The following PCSK2 variants were observed in gnomAD, a reference collection of about 807,000 sequenced individuals.
PCSK2 encodes proprotein convertase subtilisin/kexin type 2.
In PCSK2, 14 loss-of-function variants were observed where a neutral mutation model predicts 69.7. The ratio of observed to expected loss-of-function variants is 0.20; its 90% confidence interval spans 0.13 to 0.31. The LOEUF is 0.31. Ranked by LOEUF, PCSK2 falls within the 10% of genes least tolerant of loss-of-function variation. The pLI is 1.00. For missense variants in PCSK2, 544 were observed against 842.5 expected (o/e 0.65, Z 4.39); for synonymous variants, 307 against 320.7 (o/e 0.96, Z 0.46).
At chr20:17,457,632 G>A (rs969551742) in intron 10 of PCSK2, among the ~76,000 whole-genome samples, 2 of 152,164 alleles carry the variant, frequency 1.3e-5, no homozygotes, top group African/African-American at 4.8e-5. Flanking sequence ...ATCAAGCACA[G>A]AAAACAAAAT....
At chr20:17,242,239 A>G (rs1355839241) in intron 1 of PCSK2, among the ~76,000 whole-genome samples, 1 of 152,260 alleles carries the variant, frequency 6.6e-6, no homozygotes, top group Non-Finnish European at 1.5e-5. Flanking sequence ...GCATAGGAGT[A>G]GGCAGGGCTG....
At chr20:17,348,058 A>AGAGAAAGAAAG (rs1990739647) in intron 2 of PCSK2, among the ~76,000 whole-genome samples, 1 of 78,876 alleles carries the variant, frequency 1.3e-5, no homozygotes, top group African/African-American at 4.9e-5. Context: ...AAGGAAAGAA[A>AGAGAAAGAAAG]GAAAGAAAGA....
chr20:17,351,009 C>G (rs1028504323), intron 2 of PCSK2, among the ~76,000 whole-genome samples: 1 of 146,696 alleles, frequency 6.8e-6, no homozygotes, highest in African/African-American at 2.5e-5. Flanking sequence ...CACTGCACTA[C>G]AGCCTGGGTG....
chr20:17,443,820 G>A (rs558961471), intron 8 of PCSK2, among the ~76,000 whole-genome samples: 13 of 152,336 alleles, frequency 8.5e-5, no homozygotes, highest in African/African-American at 2.6e-4. Context: ...TGCCGAGCCC[G>A]CTGAAGCTTA....
At chr20:17,308,176 T>G (rs1989387224) in intron 2 of PCSK2, among the ~76,000 whole-genome samples, 1 of 152,186 alleles carries the variant, frequency 6.6e-6, no homozygotes, top group African/African-American at 2.4e-5. Flanking sequence ...TCATTCACTG[T>G]CATGATAATG....
chr20:17,456,061 G>A (rs560845910), intron 9 of PCSK2, among the ~76,000 whole-genome samples: 5 of 152,156 alleles, frequency 3.3e-5, no homozygotes, highest in African/African-American at 9.6e-5. Flanking sequence ...TCAACATGGC[G>A]AAACCCTGTC....
chr20:17,336,083 A>G (rs1474727670), intron 2 of PCSK2, among the ~76,000 whole-genome samples: 1 of 152,238 alleles, frequency 6.6e-6, no homozygotes, highest in Non-Finnish European at 1.5e-5. Flanking sequence ...AGAATATCAA[A>G]GAACTTACAG....
intron 11 of PCSK2, among the ~76,000 whole-genome samples, chr20:17,475,778 C>T (rs927048160): frequency 1.3e-5 from 2 of 152,170 alleles, no homozygotes; most frequent in Non-Finnish European, 2.9e-5. Context: ...GTGACCACTG[C>T]ACTTGACAAA....
chr20:17,484,147 G>C lies in PCSK2; in HGVS notation c.*2077G>C, dbSNP rs2033457009. The C allele has an allele frequency of 1.3e-5, 2 of 152,218 alleles. No homozygotes were observed. Among genetic ancestry groups the C allele is most frequent in the Admixed American group, 6.5e-5 (1 of 15,276 alleles). The allele number at this position is 152,218 out of a possible 1,614,324, so 9.4% of individuals were successfully genotyped here. Reference sequence around the variant, plus strand: ...ATTGCATCACCTCTGTAATTTTTCAGCTCTCTGTATAAACATTAAATGTCT... The same window carrying C: ...ATTGCATCACCTCTGTAATTTTTCACCTCTCTGTATAAACATTAAATGTCT... On this transcript the variant is annotated 3_prime_UTR_variant, in exon 12 of 12. Coordinates refer to ENST00000262545, the MANE Select transcript of PCSK2 (RefSeq NM_002594.5).
In PCSK2 at chr20:17,448,026, T is replaced by C. The variant is rs144546357; in HGVS notation, c.886-5716T>C. 5.4e-3 allele frequency among the ~76,000 whole-genome samples: 817 copies of C among 152,372 alleles called. 6 individuals are homozygous for C. Among genetic ancestry groups the C allele is most frequent in the African/African-American group, 0.019 (772 of 41,592 alleles). On this transcript the variant is annotated intron_variant, in intron 8 of 11. Transcript: ENST00000262545. ...ATAAAGGACTTTTATTTCCTTCATC[T>C]TCTATATTCCAATTATTCTATAATA...
chr20:17,370,357 G>A (rs978521720), intron 5 of PCSK2, among the ~76,000 whole-genome samples: 1 of 152,174 alleles, frequency 6.6e-6, no homozygotes, highest in Non-Finnish European at 1.5e-5. Context: ...AAGAAAGGGG[G>A]AATATTCCAT....
intron 1 of PCSK2, among the ~76,000 whole-genome samples, chr20:17,242,555 A>T (rs951002406): frequency 3.9e-5 from 6 of 152,210 alleles, no homozygotes; most frequent in African/African-American, 1.4e-4. Context: ...TGCTATTGCA[A>T]ATGTCTACTT....
chr20:17,427,400 C>T (rs560130445), intron 6 of PCSK2, among the ~76,000 whole-genome samples: 2 of 151,976 alleles, frequency 1.3e-5, no homozygotes, highest in South Asian at 2.1e-4. Context: ...CACAGGGTTG[C>T]GCACAGGGCC....
intron 11 of PCSK2, among the ~76,000 whole-genome samples, chr20:17,469,836 G>T (rs2033170810): frequency 6.6e-6 from 1 of 152,072 alleles, no homozygotes; most frequent in Non-Finnish European, 1.5e-5. Context: ...CTCACGGTGG[G>T]CTCTCAGGTA....
intron 9 of PCSK2, 36 bp from the exon 10 acceptor site, chr20:17,456,312 A>T: frequency 8.7e-7 from 1 of 1,146,670 alleles, no homozygotes; most frequent in South Asian, 1.2e-5. Flanking sequence ...AAATAGCGTG[A>T]TTTATCCACT....
At chr20:17,425,456 C>G (rs2032226970) in intron 6 of PCSK2, among the ~76,000 whole-genome samples, 1 of 152,132 alleles carries the variant, frequency 6.6e-6, no homozygotes, top group South Asian at 2.1e-4. Flanking sequence ...TCCTTGTCAC[C>G]CAACATCTCT....
At chr20:17,434,355 C>T (rs2269009) in intron 7 of PCSK2, among the ~76,000 whole-genome samples, 12,284 of 130,512 alleles carry the variant, frequency 0.094, 572 homozygotes, top group East Asian at 0.18. Context: ...CCTTGGGTCA[C>T]GCTGAGCCTC....
intron 2 of PCSK2, among the ~76,000 whole-genome samples, chr20:17,348,070 AGAAAGAAAGAAAGAAAGAAAG>A: frequency 6.7e-6 from 1 of 148,252 alleles, no homozygotes; most frequent in Non-Finnish European, 1.5e-5. Context: ...AAAGAAAGAA[AGAAAGAAAGAAAGAAAGAAAG>A]AAAGAAAGAA....
chr20:17,399,936 G>A (rs1477281216), intron 5 of PCSK2, among the ~76,000 whole-genome samples: 1 of 152,088 alleles, frequency 6.6e-6, no homozygotes. Context: ...AAAGAAACAG[G>A]TTGAACCCTG....
Sources: gnomAD v4.1 joint callset for allele counts (sites outside exome capture counted in the v4.1 genomes callset) on GRCh38, gnomAD v4.1.1 for gene constraint, MANE v1.5 for transcripts, NCBI Gene and HGNC (gene_info 2026-07-23, HGNC 2026-07-21) for gene names.